The following TMEM178A variants were observed in gnomAD, a reference collection of about 807,000 sequenced individuals.
TMEM178A encodes the protein transmembrane protein 178A.
In TMEM178A, 12 loss-of-function variants were observed where a neutral mutation model predicts 29.1. The ratio of observed to expected loss-of-function variants is 0.41; its 90% confidence interval spans 0.26 to 0.67. The LOEUF (loss-of-function observed/expected upper bound fraction) is 0.67, where lower values mean the gene tolerates loss of function less well. TMEM178A is among the 30% of genes least tolerant of loss of function. The pLI is 0.29. For synonymous variants in TMEM178A, 210 were observed against 187.2 expected, an observed-to-expected ratio of 1.12 and a Z score of -0.99; for missense variants, 366 against 419.1, an observed-to-expected ratio of 0.87 and a Z score of 1.11.
At chr2:39,682,705 G>A (rs1244817492) in intron 1 of TMEM178A, among the ~76,000 whole-genome samples, 3 of 152,160 alleles carry the variant, frequency 2.0e-5, no homozygotes, top group Admixed American at 6.5e-5. Context: ...CACTATCAAG[G>A]TATATGGCAT....
At chr2:39,713,522 G>C (rs755207121) in intron 3 of TMEM178A, among the ~76,000 whole-genome samples, 89 of 152,112 alleles carry the variant, frequency 5.9e-4, no homozygotes, top group South Asian at 1.2e-3. Context: ...AATATGACTG[G>C]TGTCCTTATA....
chr2:39,693,966 C>T (rs1384884776), intron 1 of TMEM178A, among the ~76,000 whole-genome samples: 1 of 138,960 alleles, frequency 7.2e-6, no homozygotes, highest in South Asian at 2.3e-4. Context: ...CCTCAGCCAC[C>T]TTTTTTTTTT....
chr2:39,665,865 G>A (rs1670120690), upstream of TMEM178A: 1 of 1,007,020 alleles, frequency 9.9e-7, no homozygotes, highest in South Asian at 2.8e-5. Context: ...GAGGGAGGTG[G>A]GGGGCAGGTG....
the TMEM178A span, among the ~76,000 whole-genome samples, chr2:39,732,051 G>A: frequency 6.6e-6 from 1 of 152,010 alleles, no homozygotes; most frequent in Non-Finnish European, 1.5e-5. Context: ...TCATGTTCCT[G>A]ACCATCCATC....
chr2:39,707,061 T>A lies in TMEM178A; in HGVS notation c.527T>A (p.Ile176Asn). Residue 176 changes from isoleucine (I) to asparagine (N), a missense_variant, in exon 3 of 4, where the codon ATC becomes AAC. This residue lies in a region of TMEM178A where 119 missense variants were observed against 172.2 expected (regional missense o/e 0.69). Coordinates refer to ENST00000281961, the MANE Select transcript of TMEM178A (RefSeq NM_152390.3). ...GTTTTGAGATTAGATTTAAGAAGAA[T>A]CACTGCTGGCTTCCTCGGCATGGCC... ...DEWHLLHLRR[I>N]TAGFLGMAVA... 6.2e-7 allele frequency: 1 copy of A among 1,604,760 alleles called. No homozygotes were observed. The highest frequency in any genetic ancestry group is 8.5e-7 in the Non-Finnish European group (1 of 1,177,358).
At chr2:39,721,934 A>G (rs1672713533), downstream of TMEM178A, among the ~76,000 whole-genome samples, 1 of 133,782 alleles carries the variant, frequency 7.5e-6, no homozygotes, top group Non-Finnish European at 1.5e-5. Flanking sequence ...TTGAGCTATT[A>G]TCACACCACT....
intron 1 of TMEM178A, among the ~76,000 whole-genome samples, chr2:39,679,388 C>T (rs1208767165): frequency 8.4e-6 from 1 of 119,438 alleles, no homozygotes. Context: ...AGATAAGGTA[C>T]TTGGTGTTAA....
chr2:39,709,517 C>T (rs896896534), intron 3 of TMEM178A, among the ~76,000 whole-genome samples: 12 of 152,176 alleles, frequency 7.9e-5, no homozygotes, highest in African/African-American at 2.7e-4. Context: ...CCACTGGGTT[C>T]CTGCCCAAGG....
intron 1 of TMEM178A, among the ~76,000 whole-genome samples, chr2:39,676,181 C>T (rs1290842489): frequency 2.0e-5 from 3 of 152,164 alleles, no homozygotes; most frequent in African/African-American, 7.2e-5. Flanking sequence ...AACATTTATC[C>T]ACTCACTTGG....
At chr2:39,720,118 C>A (rs1472297473), downstream of TMEM178A, among the ~76,000 whole-genome samples, 2 of 152,158 alleles carry the variant, frequency 1.3e-5, no homozygotes, top group Non-Finnish European at 2.9e-5. Context: ...AAATAAGTTT[C>A]TTTTAAATTA....
intron 3 of TMEM178A, among the ~76,000 whole-genome samples, chr2:39,715,273 G>A (rs1395896000): frequency 6.6e-6 from 1 of 152,166 alleles, no homozygotes; most frequent in Admixed American, 6.6e-5. Flanking sequence ...CTGTGAAGAG[G>A]TCATTGTTCT....
chr2:39,702,930 T>G (rs1421889969), intron 1 of TMEM178A, among the ~76,000 whole-genome samples: 1 of 152,168 alleles, frequency 6.6e-6, no homozygotes, highest in Non-Finnish European at 1.5e-5. Flanking sequence ...ACCTAGGTGA[T>G]TCTGATGTAC....
chr2:39,698,536 C>T (rs1671648054), intron 1 of TMEM178A, among the ~76,000 whole-genome samples: 1 of 152,148 alleles, frequency 6.6e-6, no homozygotes, highest in African/African-American at 2.4e-5. Context: ...CAACTCTTTT[C>T]AGATGTTGCT....
the TMEM178A span, among the ~76,000 whole-genome samples, chr2:39,727,736 GC>G: frequency 2.8e-5 from 4 of 143,408 alleles, no homozygotes; most frequent in African/African-American, 2.6e-5. Context: ...CCCTCGACAG[GC>G]CCCGGTGTGT....
chr2:39,718,350 T>C (rs1672628102), downstream of TMEM178A, among the ~76,000 whole-genome samples: 1 of 152,138 alleles, frequency 6.6e-6, no homozygotes, highest in Non-Finnish European at 1.5e-5. Context: ...CTGCTCAGAG[T>C]CACCTGGTGA....
At chr2:39,691,772 TA>T (rs1671327349) in intron 1 of TMEM178A, among the ~76,000 whole-genome samples, 1 of 151,694 alleles carries the variant, frequency 6.6e-6, no homozygotes, top group African/African-American at 2.4e-5. Flanking sequence ...GATGAATAGA[TA>T]AAGGAAAATT....
the TMEM178A span, among the ~76,000 whole-genome samples, chr2:39,729,394 T>C: frequency 6.6e-6 from 1 of 152,192 alleles, no homozygotes; most frequent in Non-Finnish European, 1.5e-5. Flanking sequence ...CTGGCCCCCA[T>C]TCTACCTATA....
chr2:39,710,670 G>T (rs972544562), intron 3 of TMEM178A, among the ~76,000 whole-genome samples: 1 of 152,074 alleles, frequency 6.6e-6, no homozygotes, highest in Non-Finnish European at 1.5e-5. Flanking sequence ...GCTGTAGAAC[G>T]TTCACATGCA....
chr2:39,735,208 T>C, the TMEM178A span, among the ~76,000 whole-genome samples: 1 of 152,194 alleles, frequency 6.6e-6, no homozygotes, highest in Admixed American at 6.5e-5. Context: ...GTTAACCTAA[T>C]CTCTCATCCT....
Sources: gnomAD v4.1 joint callset for allele counts (sites outside exome capture counted in the v4.1 genomes callset) on GRCh38, gnomAD v4.1.1 for gene constraint, gnomAD v4.1.1 regional missense constraint, MANE v1.5 for transcripts, NCBI Gene and HGNC (gene_info 2026-07-23, HGNC 2026-07-21) for gene names.